The following BCR variants were observed in gnomAD, a reference collection of about 807,000 sequenced individuals.
The protein encoded by BCR is breakpoint cluster region protein.
A neutral mutation model predicts 138.6 loss-of-function variants in BCR; 58 were observed. That is an observed-to-expected ratio of 0.42 (90% CI 0.34 to 0.52). The LOEUF (loss-of-function observed/expected upper bound fraction) is 0.52, where lower values mean the gene tolerates loss of function less well. Ranked by LOEUF, BCR falls within the 20% of genes least tolerant of loss-of-function variation. The pLI is 0.06. For synonymous variants in BCR, 786 were observed against 730.1 expected (o/e 1.08, Z -1.23); for missense variants, 1,599 against 1,727.2 (o/e 0.93, Z 1.32).
intron 1 of BCR, chr22:23,198,227 T>C (rs2071431): frequency 2.4e-6 from 1 of 422,862 alleles, no homozygotes; most frequent in South Asian, 1.7e-5. Flanking sequence ...AGGGAGGAGG[T>C]GGGTGGGGAT....
intron 4 of BCR, among the ~76,000 whole-genome samples, chr22:23,265,283 C>T (rs1422776815): frequency 6.6e-6 from 1 of 152,224 alleles, no homozygotes; most frequent in Admixed American, 6.5e-5. Context: ...TTCCCCATAA[C>T]GACGAGCTGA....
rs1432871729 is a variant in BCR at position 23,317,962 on chromosome 22, T to C, written c.*2440T>C. 62 of 152,000 alleles carry C rather than the reference T, an allele frequency of 4.1e-4. 2 individuals are homozygous for C. Among genetic ancestry groups the C allele is most frequent in the Non-Finnish European group, 7.7e-4 (54 of 69,680 alleles). The allele number at this position is 152,000 out of a possible 1,614,324, so 9.4% of individuals were successfully genotyped here. A position where few individuals can be genotyped will look rare whatever the true frequency, so the allele number is the denominator to read the frequency against. On this transcript the variant is annotated 3_prime_UTR_variant, in exon 23 of 23. Coordinates refer to ENST00000305877, the MANE Select transcript of BCR (RefSeq NM_004327.4). ...TTCTCTTGGTAAGTGGCTGGTGTCTTAGCAGCTGCAATCTGAGCTCAGCCA... is the reference window on the plus strand; with the variant it reads ...TTCTCTTGGTAAGTGGCTGGTGTCTCAGCAGCTGCAATCTGAGCTCAGCCA...
At chr22:23,282,999 C>T (rs557295256) in intron 8 of BCR, among the ~76,000 whole-genome samples, 1 of 152,316 alleles carries the variant, frequency 6.6e-6, no homozygotes, top group East Asian at 1.9e-4. Context: ...CTGCCTACAG[C>T]CTGTTGTGGG....
chr22:23,241,562 C>T (rs1490571890), intron 1 of BCR, among the ~76,000 whole-genome samples: 1 of 152,190 alleles, frequency 6.6e-6, no homozygotes, highest in Non-Finnish European at 1.5e-5. Flanking sequence ...CTGTCTTGCC[C>T]CTTCCCACCC....
At position 23,219,754 on chromosome 22, in the gene BCR, A is replaced by G. The variant is rs115349290; in HGVS notation, c.1280-34045A>G. On this transcript the variant is annotated intron_variant, in intron 1 of 22. Coordinates refer to ENST00000305877, the MANE Select transcript of BCR (RefSeq NM_004327.4). Reference sequence around the variant, plus strand: ...CTAGAATGTCCCCCACAATGTCTCCACTTGCCCAGCTCTGTCCTCTGTGTC... The same window carrying G: ...CTAGAATGTCCCCCACAATGTCTCCGCTTGCCCAGCTCTGTCCTCTGTGTC... 5.5e-3 allele frequency among the ~76,000 whole-genome samples: 828 copies of G among 150,734 alleles called. 12 individuals are homozygous for G. Among genetic ancestry groups the G allele is most frequent in the African/African-American group, 0.019 (785 of 40,826 alleles).
At position 23,182,167 on chromosome 22, in the gene BCR, A is replaced by C; in HGVS notation, c.1207A>C (p.Thr403Pro). 1 of 1,606,168 alleles carries C rather than the reference A, an allele frequency of 6.2e-7. No homozygotes were observed. Among genetic ancestry groups the C allele is most frequent in the Non-Finnish European group, 8.5e-7 (1 of 1,179,306 alleles). ...RHCPVVVSEA[T>P]IVGVRKTGQI... ...CTGCCCGGTTGTCGTGTCCGAGGCC[A>C]CCATCGTGGGCGTCCGCAAGACCGG... The change falls in exon 1 of 23, where the codon ACC becomes CCC. Residue 403 changes from threonine (T) to proline (P), a missense_variant. By Grantham distance (38) the Thr-to-Pro change is conservative (BLOSUM62 -1). Transcript: ENST00000305877.
At chr22:23,200,471 T>C (rs1008836443) in intron 1 of BCR, among the ~76,000 whole-genome samples, 13 of 151,640 alleles carry the variant, frequency 8.6e-5, no homozygotes, top group African/African-American at 2.7e-4. Flanking sequence ...TGCACCACCA[T>C]CCCCCCAGGT....
rs2072250765 is a variant in BCR, at chr22:23,181,225, G to A, written c.265G>A (p.Glu89Lys). Residue 89 changes from glutamate to lysine, a missense_variant, in exon 1 of 23, where the codon GAG (glutamate) becomes AAG (lysine). This residue lies in a region of BCR where 806 missense variants were observed against 635.0 expected (regional missense o/e 1.27). Coordinates refer to ENST00000305877, the MANE Select transcript of BCR (RefSeq NM_004327.4). ...RAAQAPDGAS[E>K]PRASASRPQP... ...GGCGCAGGCCCCCGACGGCGCCTCC[G>A]AGCCCCGAGCGTCCGCGTCGCGCCC... 4.0e-6 allele frequency: 5 copies of A among 1,239,338 alleles called. No homozygotes were observed. In the African/African-American group the frequency reaches 4.8e-5, roughly 12 times the overall value. The allele number at this position is 1,239,338 out of a possible 1,614,324, so 76.8% of individuals were successfully genotyped here. A position where few individuals can be genotyped will look rare whatever the true frequency, so the allele number is the denominator to read the frequency against.
chr22:23,193,634 C>G (rs16998453), intron 1 of BCR, among the ~76,000 whole-genome samples: 4,617 of 152,320 alleles, frequency 0.03, 248 homozygotes, highest in African/African-American at 0.11. Flanking sequence ...GGAGTTCTTA[C>G]ATTTTGAAGG....
intron 5 of BCR, 21 bp from the exon 6 acceptor site, chr22:23,271,511 C>T (rs892794403): frequency 6.2e-7 from 1 of 1,613,432 alleles, no homozygotes; most frequent in Non-Finnish European, 8.5e-7. Context: ...TCTGTGTGAA[C>T]ATGCGCTTTT....
chr22:23,287,055 G>T (rs1490829580), intron 10 of BCR, 104 bp from the exon 11 acceptor site: 11 of 1,531,150 alleles, frequency 7.2e-6, no homozygotes, highest in Non-Finnish European at 9.7e-6. Context: ...TGGGATTCTT[G>T]CCCTCTGCAG....
At chr22:23,198,438 G>T (rs1253578352) in intron 1 of BCR, 1 of 416,330 alleles carries the variant, frequency 2.4e-6, no homozygotes, top group Non-Finnish European at 4.6e-6. Flanking sequence ...AAAGAGAGGT[G>T]GCTGGGTTAC....
chr22:23,219,107 C>G lies in BCR; in HGVS notation c.1280-34692C>G, dbSNP rs553758610. ...TGGACGGAGGGCCAGGCCAACCAGG[C>G]AGTGAAAACAGGAAACCTAATCTTT... On this transcript the variant is annotated intron_variant, in intron 1 of 22. Transcript: ENST00000305877. 3.9e-5 allele frequency among the ~76,000 whole-genome samples: 6 copies of G among 152,270 alleles called. No homozygotes were observed. In the East Asian group the frequency reaches 7.7e-4, roughly 20 times the overall value.
chr22:23,252,664 C>G (rs2146266502), intron 1 of BCR, among the ~76,000 whole-genome samples: 1 of 152,104 alleles, frequency 6.6e-6, no homozygotes, highest in South Asian at 2.1e-4. Context: ...CTCCTGACCT[C>G]AAGTGATCCA....
chr22:23,297,207 GTTTT>G (rs1307353327), intron 16 of BCR, among the ~76,000 whole-genome samples: 1 of 97,382 alleles, frequency 1.0e-5, no homozygotes, highest in African/African-American at 4.9e-5. Context: ...TGGCTAAGTT[GTTTT>G]TTGTTTTTTG....
At chr22:23,240,879 G>C (rs1480408627) in intron 1 of BCR, among the ~76,000 whole-genome samples, 1 of 151,982 alleles carries the variant, frequency 6.6e-6, no homozygotes, top group Non-Finnish European at 1.5e-5. Context: ...TCTACTTTCT[G>C]TCTCTATGAA....
Position 23,318,015 on chromosome 22 carries a change from C to G in BCR, c.*2493C>G. ...TACACACCACCGTGGCCGACACTTT[C>G]ATTAAAAAGTTTCCTGAGACGACTT... On this transcript the variant is annotated 3_prime_UTR_variant, in exon 23 of 23. Transcript: ENST00000305877. 6.0e-6 allele frequency: 1 copy of G among 165,604 alleles called. No homozygotes were observed. The highest frequency in any genetic ancestry group is 1.1e-4 in the East Asian group (1 of 9,100). The allele number at this position is 165,604 out of a possible 1,614,324, so 10.3% of individuals were successfully genotyped here. A position where few individuals can be genotyped will look rare whatever the true frequency, so the allele number is the denominator to read the frequency against.
intron 16 of BCR, among the ~76,000 whole-genome samples, chr22:23,299,646 C>G (rs1333694974): frequency 6.6e-6 from 1 of 151,590 alleles, no homozygotes; most frequent in Non-Finnish European, 1.5e-5. Context: ...ATAAAACATA[C>G]ATCTGTATCT....
chr22:23,296,722 G>C (rs978191170), intron 16 of BCR, among the ~76,000 whole-genome samples: 6 of 152,202 alleles, frequency 3.9e-5, no homozygotes, highest in Non-Finnish European at 7.3e-5. Context: ...CGAGAGGATT[G>C]CTTGAGCCCA....
Sources: gnomAD v4.1 joint callset for allele counts (sites outside exome capture counted in the v4.1 genomes callset) on GRCh38, gnomAD v4.1.1 for gene constraint, gnomAD v4.1.1 regional missense constraint, MANE v1.5 for transcripts, NCBI Gene and HGNC (gene_info 2026-07-23, HGNC 2026-07-21) for gene names.